Variants in CNTNAP3B observed in about 807,000 individuals in gnomAD.
CNTNAP3B encodes contactin-associated protein-like 3B.
In CNTNAP3B, 25 loss-of-function variants were observed where a neutral mutation model predicts 108.9. The ratio of observed to expected loss-of-function variants is 0.23; its 90% confidence interval spans 0.17 to 0.32. The LOEUF is 0.32. Among genes scored for constraint, CNTNAP3B ranks in the 10% least tolerant of loss-of-function variants. CNTNAP3B has a pLI of 1.00. For missense variants in CNTNAP3B, 252 were observed against 1,210.4 expected, an observed-to-expected ratio of 0.21 and a Z score of 11.75; for synonymous variants, 103 against 473.4, an observed-to-expected ratio of 0.22 and a Z score of 10.16.
chr9:42,113,584 C>A (rs1037174524), intron 1 of CNTNAP3B, among the ~76,000 whole-genome samples: 2 of 139,040 alleles, frequency 1.4e-5, no homozygotes, highest in African/African-American at 2.9e-5. Context: ...AATCATGTGG[C>A]GATGTCATCA....
At chr9:41,919,121 G>T (rs1464598949) in intron 18 of CNTNAP3B, among the ~76,000 whole-genome samples, 1 of 152,140 alleles carries the variant, frequency 6.6e-6, no homozygotes, top group African/African-American at 2.4e-5. Context: ...ACTAAAATCA[G>T]TCCCTTTTTC....
chr9:41,940,406 T>C (rs1162320597), intron 13 of CNTNAP3B, among the ~76,000 whole-genome samples: 1 of 152,304 alleles, frequency 6.6e-6, no homozygotes, highest in African/African-American at 2.4e-5. Context: ...AGTAGATTAC[T>C]CATCTGAAAT....
At chr9:42,117,119 G>C (rs1373292256) in intron 1 of CNTNAP3B, among the ~76,000 whole-genome samples, 2 of 137,802 alleles carry the variant, frequency 1.5e-5, no homozygotes, top group Non-Finnish European at 1.5e-5. Context: ...AGATCAACAA[G>C]ACAGAAAGTT....
At chr9:42,078,846 T>G (rs1483135273) in intron 2 of CNTNAP3B, among the ~76,000 whole-genome samples, 1 of 150,944 alleles carries the variant, frequency 6.6e-6, no homozygotes. Context: ...TTCTTCTCTC[T>G]GCTCATTCCT....
rs1401829880 is a variant in CNTNAP3B at position 42,094,061 on chromosome 9, T to C, written c.196+10568A>G. 2.2e-5 allele frequency among the ~76,000 whole-genome samples: 3 copies of C among 135,878 alleles called. 1 individual carries two copies. Among genetic ancestry groups the C allele is most frequent in the African/African-American group, 8.8e-5 (3 of 34,028 alleles). The allele number at this position is 135,878 out of a possible 152,430, so 89.1% of individuals were successfully genotyped here. ...CCAAAGTCACACAGCTAGTAAGGGG[T>C]AGAGCCTGGATGATTCCAAGCTTAT... On this transcript the variant is annotated intron_variant, in intron 2 of 23. Coordinates refer to ENST00000377561, the MANE Select transcript of CNTNAP3B (RefSeq NM_001201380.3).
chr9:41,924,871 G>A (rs930503122), intron 15 of CNTNAP3B, among the ~76,000 whole-genome samples: 1 of 152,286 alleles, frequency 6.6e-6, no homozygotes, highest in South Asian at 2.1e-4. Flanking sequence ...TGACTTTTTG[G>A]TATTTTTCAG....
intron 9 of CNTNAP3B, chr9:41,979,256 T>C: frequency 8.6e-6 from 1 of 116,076 alleles, no homozygotes; most frequent in Admixed American, 8.9e-5. Flanking sequence ...GCAAAGATCT[T>C]ATCTCCAAAC....
chr9:41,978,033 C>G (rs576060600), intron 9 of CNTNAP3B, among the ~76,000 whole-genome samples: 2,550 of 120,772 alleles, frequency 0.021, 75 homozygotes, highest in African/African-American at 0.084. Context: ...TCAAGAAGCA[C>G]CTCAAGCATT....
At chr9:41,918,021 A>G (rs1243555742) in intron 18 of CNTNAP3B, among the ~76,000 whole-genome samples, 2 of 152,306 alleles carry the variant, frequency 1.3e-5, no homozygotes, top group Non-Finnish European at 2.9e-5. Flanking sequence ...GACATTTTCT[A>G]AAGACTTTCA....
At chr9:41,925,097 A>G (rs915320616) in intron 15 of CNTNAP3B, among the ~76,000 whole-genome samples, 3 of 151,964 alleles carry the variant, frequency 2.0e-5, no homozygotes, top group African/African-American at 7.3e-5. Flanking sequence ...ACATGAAGTT[A>G]TTATTTTTCT....
rs1257394707 is a variant in CNTNAP3B, at chr9:42,111,648, T to C, written c.86-6909A>G. ...TTTGGTTCCCTTTATTGTTCAAGCC[T>C]ATTTGATCTTAGATTTTGGTCACCT... On this transcript the variant is annotated intron_variant, in intron 1 of 23. Transcript: ENST00000377561. 2.9e-5 allele frequency among the ~76,000 whole-genome samples: 4 copies of C among 138,986 alleles called. 1 individual carries two copies. The highest frequency in any genetic ancestry group is 6.2e-5 in the Non-Finnish European group (4 of 64,972). The allele number at this position is 138,986 out of a possible 152,430, so 91.2% of individuals were successfully genotyped here.
At chr9:41,922,064 G>A (rs1234182767) in intron 17 of CNTNAP3B, among the ~76,000 whole-genome samples, 1 of 143,282 alleles carries the variant, frequency 7.0e-6, no homozygotes, top group Non-Finnish European at 1.5e-5. Context: ...GTTCAAGTTT[G>A]GGGGTCGGCT....
chr9:41,969,270 G>C (rs1455846124), intron 10 of CNTNAP3B, among the ~76,000 whole-genome samples: 1 of 150,816 alleles, frequency 6.6e-6, no homozygotes, highest in Admixed American at 6.6e-5. Flanking sequence ...AACTGTGGTT[G>C]TAATACTTAT....
rs1449720261 is a variant in CNTNAP3B, at chr9:42,097,048, G to A, written c.196+7581C>T. Reference sequence around the variant, plus strand: ...ATTACAGGCGTGAACCACTGTGCCCGGTCCCGCACAGAAGTTTTTGATGTT... The same window carrying A: ...ATTACAGGCGTGAACCACTGTGCCCAGTCCCGCACAGAAGTTTTTGATGTT... On this transcript the variant is annotated intron_variant, in intron 2 of 23. Coordinates refer to ENST00000377561, the MANE Select transcript of CNTNAP3B (RefSeq NM_001201380.3). Among the ~76,000 whole-genome samples, 9 of 138,674 alleles carry A rather than the reference G, an allele frequency of 6.5e-5. 2 individuals are homozygous for A. Among genetic ancestry groups the A allele is most frequent in the East Asian group, 4.3e-4 (2 of 4,612 alleles). 91.0% of individuals were successfully genotyped at this position (138,674 alleles called of 152,430 possible). A position where few individuals can be genotyped will look rare whatever the true frequency, so the allele number is the denominator to read the frequency against.
In CNTNAP3B at chr9:42,099,955, G is replaced by A. The variant is rs374196171; in HGVS notation, c.196+4674C>T. Among the ~76,000 whole-genome samples, 2 of 40,714 alleles carry A rather than the reference G, an allele frequency of 4.9e-5. 1 individual carries two copies. The highest frequency in any genetic ancestry group is 1.6e-4 in the African/African-American group (2 of 12,874). 26.7% of individuals were successfully genotyped at this position (40,714 alleles called of 152,430 possible). A position where few individuals can be genotyped will look rare whatever the true frequency, so the allele number is the denominator to read the frequency against. ...TTTTCCATTATCTTAATATTCTGCT[G>A]TCTAAGAGATGTAGCCCCTGGGTGA... On this transcript the variant is annotated intron_variant, in intron 2 of 23. Transcript: ENST00000377561.
chr9:41,925,208 T>C (rs1384831912), intron 15 of CNTNAP3B, among the ~76,000 whole-genome samples: 1 of 148,310 alleles, frequency 6.7e-6, no homozygotes, highest in Non-Finnish European at 1.5e-5. Context: ...TGATGGCTCC[T>C]GATTGAATTT....
At position 42,122,376 on chromosome 9, in the gene CNTNAP3B, A is replaced by G. The variant is rs1405755741; in HGVS notation, c.85+6634T>C. On this transcript the variant is annotated intron_variant, in intron 1 of 23. Coordinates refer to ENST00000377561, the MANE Select transcript of CNTNAP3B (RefSeq NM_001201380.3). The stretch of plus-strand genomic sequence containing the variant: ...AAGCAACATCATTTTCTATTGAGGA[A>G]CCCAAAACTTTCCTAACTTTTACAA... 1.1e-4 allele frequency among the ~76,000 whole-genome samples: 15 copies of G among 136,822 alleles called. 2 individuals are homozygous for G. In the South Asian group the frequency reaches 2.9e-3, roughly 26 times the overall value. The allele number at this position is 136,822 out of a possible 152,430, so 89.8% of individuals were successfully genotyped here.
intron 13 of CNTNAP3B, among the ~76,000 whole-genome samples, chr9:41,939,285 T>C (rs1433037124): frequency 6.6e-6 from 1 of 152,300 alleles, no homozygotes; most frequent in African/African-American, 2.4e-5. Context: ...ATGAGGAAAA[T>C]GAAATTGGAT....
intron 1 of CNTNAP3B, among the ~76,000 whole-genome samples, chr9:42,108,005 C>G (rs1378955263): frequency 1.5e-5 from 2 of 134,390 alleles, no homozygotes; most frequent in Non-Finnish European, 3.1e-5. Flanking sequence ...AAGAAAGGCA[C>G]TAAATTTTAT....
Sources: gnomAD v4.1 joint callset for allele counts (sites outside exome capture counted in the v4.1 genomes callset) on GRCh38, gnomAD v4.1.1 for gene constraint, MANE v1.5 for transcripts, NCBI Gene and HGNC (gene_info 2026-07-23, HGNC 2026-07-21) for gene names.